The following SCAI variants were observed in gnomAD, a reference collection of about 807,000 sequenced individuals.
SCAI encodes protein SCAI.
A neutral mutation model predicts 92.2 loss-of-function variants in SCAI; 24 were observed. The observed-to-expected ratio is 0.26, with a 90% CI of 0.19 to 0.37. The LOEUF is 0.37. Among genes scored for constraint, SCAI ranks in the 10% least tolerant of loss-of-function variants. The pLI, the probability that SCAI is intolerant of heterozygous loss-of-function variation, is 1.00. For synonymous variants in SCAI, 261 were observed against 258.6 expected, an observed-to-expected ratio of 1.01 and a Z score of -0.09; for missense variants, 450 against 736.2, an observed-to-expected ratio of 0.61 and a Z score of 4.50.
intron 9 of SCAI, among the ~76,000 whole-genome samples, chr9:125,012,442 T>C (rs1461928734): frequency 6.6e-6 from 1 of 152,142 alleles, no homozygotes; most frequent in Non-Finnish European, 1.5e-5. Flanking sequence ...AGAAGGCCAT[T>C]ACATAATGGT....
chr9:125,122,588 CAAAAAAAA>C (rs34757267), intron 2 of SCAI, among the ~76,000 whole-genome samples: 33 of 59,952 alleles, frequency 5.5e-4, no homozygotes, highest in East Asian at 1.4e-3. Context: ...GACTCCATCT[CAAAAAAAA>C]AAAAAAAAAA....
At chr9:125,111,255 A>G (rs992795418) in intron 2 of SCAI, among the ~76,000 whole-genome samples, 3 of 152,208 alleles carry the variant, frequency 2.0e-5, no homozygotes, top group African/African-American at 7.2e-5. Context: ...AAGGAAAAAA[A>G]GAGAAAGAAA....
intron 17 of SCAI, among the ~76,000 whole-genome samples, chr9:124,957,403 C>A (rs1422159105): frequency 3.3e-5 from 5 of 151,852 alleles, no homozygotes; most frequent in Non-Finnish European, 7.4e-5. Flanking sequence ...CACTCTGTTG[C>A]CCAGGCTGGA....
intron 9 of SCAI, among the ~76,000 whole-genome samples, chr9:125,006,072 G>C (rs1832500564): frequency 6.6e-6 from 1 of 152,138 alleles, no homozygotes; most frequent in Non-Finnish European, 1.5e-5. Context: ...GATCTTCGTT[G>C]GAAGAAGGCA....
intron 2 of SCAI, among the ~76,000 whole-genome samples, chr9:125,138,559 C>T (rs780222492): frequency 1.1e-4 from 17 of 152,132 alleles, no homozygotes; most frequent in Non-Finnish European, 1.9e-4. Flanking sequence ...GGACTACAGG[C>T]ACCTGCCACC....
chr9:125,088,197 C>A (rs941285436), intron 2 of SCAI, among the ~76,000 whole-genome samples: 1 of 151,984 alleles, frequency 6.6e-6, no homozygotes, highest in Admixed American at 6.6e-5. Flanking sequence ...CTGGGCTCAA[C>A]CAATCCTTCC....
At chr9:125,136,833 G>A (rs1292339944) in intron 2 of SCAI, among the ~76,000 whole-genome samples, 4 of 146,640 alleles carry the variant, frequency 2.7e-5, no homozygotes, top group Admixed American at 2.1e-4. Flanking sequence ...CAGCGATCTC[G>A]GCTCACTGCA....
At chr9:125,003,833 G>T in intron 9 of SCAI, 1 of 384,636 alleles carries the variant, frequency 2.6e-6, no homozygotes, top group Admixed American at 4.2e-5. Flanking sequence ...CCATATACAT[G>T]TTTACTAATC....
chr9:125,043,883 C>A (rs1833381752), intron 3 of SCAI, among the ~76,000 whole-genome samples: 1 of 152,152 alleles, frequency 6.6e-6, no homozygotes, highest in African/African-American at 2.4e-5. Context: ...GGAAGCCGGG[C>A]CACCTACTGA....
chr9:125,108,232 G>A (rs1298842469), intron 2 of SCAI, among the ~76,000 whole-genome samples: 2 of 152,264 alleles, frequency 1.3e-5, no homozygotes, highest in Non-Finnish European at 2.9e-5. Flanking sequence ...TGCCGAGATT[G>A]CAGCCTCTGC....
intron 2 of SCAI, among the ~76,000 whole-genome samples, chr9:125,075,586 G>A (rs1450217850): frequency 7.2e-6 from 1 of 137,978 alleles, no homozygotes; most frequent in Non-Finnish European, 1.5e-5. Context: ...TTTTTTTCGA[G>A]ATGGAGTTTC....
chr9:124,977,275 A>T (rs975917550), intron 14 of SCAI, among the ~76,000 whole-genome samples: 5 of 152,092 alleles, frequency 3.3e-5, no homozygotes, highest in African/African-American at 1.2e-4. Flanking sequence ...TTTTTTTCCT[A>T]CAATTGAAAA....
Position 125,064,207 on chromosome 9 carries a change from A to T in SCAI, c.99-8200T>A, listed in dbSNP as rs115955370. On this transcript the variant is annotated intron_variant, in intron 2 of 17. Transcript: ENST00000336505. Reference sequence around the variant, plus strand: ...CCTCAGTAACTAACAAAAGAATCATAAAAAAAAGACTAACGATAGTAGGAT... The same window carrying T: ...CCTCAGTAACTAACAAAAGAATCATTAAAAAAAGACTAACGATAGTAGGAT... Among the ~76,000 whole-genome samples, 1,222 of 152,064 alleles carry T rather than the reference A, an allele frequency of 8.0e-3. 21 individuals are homozygous for T. The highest frequency in any genetic ancestry group is 0.028 in the African/African-American group (1,142 of 41,492).
At chr9:124,997,192 A>T (rs1004905714) in intron 13 of SCAI, among the ~76,000 whole-genome samples, 2 of 152,208 alleles carry the variant, frequency 1.3e-5, no homozygotes, top group African/African-American at 4.8e-5. Flanking sequence ...AGCCAACACG[A>T]TGCCACAAGT....
At chr9:125,042,857 GCTTTTTTTT>G (rs1833353293) in intron 3 of SCAI, among the ~76,000 whole-genome samples, 1 of 115,900 alleles carries the variant, frequency 8.6e-6, no homozygotes, top group South Asian at 2.7e-4. Context: ...CTGCTCCCTG[GCTTTTTTTT>G]TTTTTTTTTT....
intron 9 of SCAI, among the ~76,000 whole-genome samples, chr9:125,017,399 C>G (rs948756844): frequency 6.6e-6 from 1 of 151,792 alleles, no homozygotes; most frequent in Non-Finnish European, 1.5e-5. Flanking sequence ...TATAACTATA[C>G]AAACCATAAA....
intron 2 of SCAI, among the ~76,000 whole-genome samples, chr9:125,095,091 C>A (rs916947227): frequency 2.6e-5 from 4 of 152,172 alleles, no homozygotes; most frequent in African/African-American, 4.8e-5. Flanking sequence ...GTAGACATTA[C>A]CTCTGCAGAG....
chr9:125,037,965 A>C (rs1833235572), intron 3 of SCAI, among the ~76,000 whole-genome samples: 1 of 151,990 alleles, frequency 6.6e-6, no homozygotes, highest in Admixed American at 6.6e-5. Context: ...CCATCAAAAT[A>C]AGAAATAACA....
intron 3 of SCAI, among the ~76,000 whole-genome samples, chr9:125,043,328 TG>T (rs1441596204): frequency 6.6e-6 from 1 of 152,232 alleles, no homozygotes; most frequent in African/African-American, 2.4e-5. Context: ...GGGACATCTT[TG>T]TTCCAAACCA....
Sources: allele counts gnomAD v4.1 joint callset (sites outside exome capture counted in the v4.1 genomes callset), GRCh38; gene constraint gnomAD v4.1.1; transcripts MANE v1.5; gene names NCBI Gene and HGNC (gene_info 2026-07-23, HGNC 2026-07-21).